Variants in DIAPH2 observed in about 807,000 individuals in gnomAD.
DIAPH2 encodes protein diaphanous homolog 2.
A neutral mutation model predicts 92.7 loss-of-function variants in DIAPH2; 35 were observed. The observed-to-expected ratio is 0.38, with a 90% confidence interval of 0.29 to 0.50. DIAPH2 has a LOEUF of 0.50. Among genes scored for constraint, DIAPH2 ranks in the 20% least tolerant of loss-of-function variants. DIAPH2 has a pLI of 0.94. For missense variants in DIAPH2, 701 were observed against 819.5 expected, an observed-to-expected ratio of 0.86 and a Z score of 1.77; for synonymous variants, 301 against 280.4, an observed-to-expected ratio of 1.07 and a Z score of -0.73.
chrX:96,940,436 G>A (rs1569431451), intron 12 of DIAPH2, among the ~76,000 whole-genome samples: 2 of 111,839 alleles, frequency 1.8e-5, no homozygotes, highest in Non-Finnish European at 3.8e-5. Flanking sequence ...TGGTGACCAT[G>A]ATGTTACATT....
intron 1 of DIAPH2, among the ~76,000 whole-genome samples, chrX:96,688,403 C>T (rs1355822804): frequency 2.7e-5 from 3 of 111,093 alleles, no homozygotes; most frequent in Admixed American, 9.5e-5. Flanking sequence ...GGTGTGATCT[C>T]GGCCCACTGC....
rs192394339 is a variant in DIAPH2 at position 96,841,494 on chromosome X, T to G, written c.448-40085T>G. Among the ~76,000 whole-genome samples the G allele has an allele frequency of 1.2e-4, 14 of 112,009 alleles. No homozygotes were observed. The East Asian group carries it at 3.9e-3, about 31-fold the overall frequency. ...CGACTTTTATAAGAGCCTCTCAGAT[T>G]GCACTCCTTATGCCTTGAAAGTGCA... On this transcript the variant is annotated intron_variant, in intron 4 of 26. Coordinates refer to ENST00000324765, the MANE Select transcript of DIAPH2 (RefSeq NM_006729.5).
At chrX:96,827,827 C>CT (rs940928947) in intron 4 of DIAPH2, among the ~76,000 whole-genome samples, 1 of 111,960 alleles carries the variant, frequency 8.9e-6, no homozygotes, top group Non-Finnish European at 1.9e-5. Context: ...AGACAAATAA[C>CT]TTTTTTTTGT....
intron 17 of DIAPH2, among the ~76,000 whole-genome samples, chrX:97,038,020 C>A (rs1602737462): frequency 1.8e-5 from 2 of 111,098 alleles, no homozygotes; most frequent in Non-Finnish European, 3.8e-5. Flanking sequence ...CAACCTACCC[C>A]CTTCTGAGTC....
At chrX:96,980,688 G>A (rs1174547657) in intron 17 of DIAPH2, among the ~76,000 whole-genome samples, 1 of 110,469 alleles carries the variant, frequency 9.1e-6, no homozygotes, top group Admixed American at 9.7e-5. Context: ...GTGTGTGTGT[G>A]TATATATCTA....
intron 24 of DIAPH2, among the ~76,000 whole-genome samples, chrX:97,353,779 G>A (rs939993573): frequency 2.7e-5 from 3 of 111,180 alleles, no homozygotes; most frequent in East Asian, 5.6e-4. Flanking sequence ...TAATCATAGC[G>A]TTTTATGCCA....
In DIAPH2 at chrX:96,751,747, G is replaced by A. The variant is rs1297398182; in HGVS notation, c.343-6407G>A. Among the ~76,000 whole-genome samples, 29 of 65,558 alleles carry A rather than the reference G, an allele frequency of 4.4e-4. 1 individual carries two copies. Among genetic ancestry groups the A allele is most frequent in the African/African-American group, 1.5e-3 (28 of 18,229 alleles). The allele number at this position is 65,558 out of a possible 115,157, so 56.9% of individuals were successfully genotyped here. ...CGGCTCACTGCAAGCTCCGCCTCCC[G>A]GGTTCACGCCATTCTCCTGCCTCAG... On this transcript the variant is annotated intron_variant, in intron 3 of 26. Transcript: ENST00000324765.
At chrX:97,294,334 G>C (rs2068625445) in intron 23 of DIAPH2, among the ~76,000 whole-genome samples, 1 of 111,914 alleles carries the variant, frequency 8.9e-6, no homozygotes, top group African/African-American at 3.2e-5. Flanking sequence ...AAGTAATTTA[G>C]AAACATTCCA....
chrX:97,045,816 G>GTGGGA (rs761532929), intron 17 of DIAPH2, among the ~76,000 whole-genome samples: 2 of 106,395 alleles, frequency 1.9e-5, no homozygotes, highest in East Asian at 2.9e-4. Flanking sequence ...AAGGTGGTAT[G>GTGGGA]TGGGAAGGGT....
intron 4 of DIAPH2, among the ~76,000 whole-genome samples, chrX:96,807,032 G>A (rs903541854): frequency 4.5e-5 from 5 of 111,977 alleles, no homozygotes; most frequent in Non-Finnish European, 7.5e-5. Flanking sequence ...GTGAGCCACC[G>A]CGCCTGGCCC....
chrX:96,839,105 G>A (rs1053176703), intron 4 of DIAPH2, among the ~76,000 whole-genome samples: 14 of 111,371 alleles, frequency 1.3e-4, no homozygotes, highest in African/African-American at 4.6e-4. Context: ...CTGTAAGGAA[G>A]GGATTTATGA....
chrX:97,432,305 A>AT (rs890066395), intron 26 of DIAPH2, among the ~76,000 whole-genome samples: 3 of 108,588 alleles, frequency 2.8e-5, no homozygotes, highest in African/African-American at 1.0e-4. Flanking sequence ...ATTTATTATT[A>AT]TTTTTTTGAG....
intron 17 of DIAPH2, among the ~76,000 whole-genome samples, chrX:96,986,443 G>T (rs1423710203): frequency 9.0e-6 from 1 of 111,476 alleles, no homozygotes; most frequent in East Asian, 2.8e-4. Context: ...ACTTTAGCCT[G>T]ACCACTGCCA....
At chrX:97,025,657 C>A (rs1298964934) in intron 17 of DIAPH2, among the ~76,000 whole-genome samples, 2 of 107,601 alleles carry the variant, frequency 1.9e-5, no homozygotes, top group South Asian at 3.9e-4. Context: ...GTCTCAAAAA[C>A]AAAACAAACA....
chrX:97,341,371 C>T (rs1185912755), intron 23 of DIAPH2: 3 of 110,812 alleles, frequency 2.7e-5, no homozygotes, highest in Non-Finnish European at 5.7e-5. Context: ...GACTTATTTT[C>T]TTTAAACCGT....
intron 23 of DIAPH2, among the ~76,000 whole-genome samples, chrX:97,254,851 C>T (rs1602453826): frequency 1.8e-5 from 2 of 109,758 alleles, no homozygotes; most frequent in East Asian, 5.7e-4. Flanking sequence ...AGGTGCTGGC[C>T]ACCACACCTG....
intron 17 of DIAPH2, among the ~76,000 whole-genome samples, chrX:97,009,203 C>T (rs749544040): frequency 7.2e-5 from 8 of 111,051 alleles, no homozygotes; most frequent in Non-Finnish European, 1.3e-4. Context: ...GTGTGGCCAT[C>T]ACCACCCCAG....
intron 26 of DIAPH2, among the ~76,000 whole-genome samples, chrX:97,479,578 C>T (rs2070636090): frequency 1.8e-5 from 2 of 111,745 alleles, no homozygotes; most frequent in African/African-American, 6.5e-5. Flanking sequence ...TGTTCTATTT[C>T]CCCAATTAAC....
chrX:97,292,188 C>T (rs2147613889), intron 23 of DIAPH2, among the ~76,000 whole-genome samples: 1 of 109,035 alleles, frequency 9.2e-6, no homozygotes, highest in African/African-American at 3.3e-5. Context: ...GACACCACAC[C>T]AGGCTAATTT....
Sources: gnomAD v4.1 joint callset for allele counts (sites outside exome capture counted in the v4.1 genomes callset) on GRCh38, gnomAD v4.1.1 for gene constraint, MANE v1.5 for transcripts, NCBI Gene and HGNC (gene_info 2026-07-23, HGNC 2026-07-21) for gene names.